The following ARHGAP24 variants were observed in gnomAD, a reference collection of about 807,000 sequenced individuals.
The protein encoded by ARHGAP24 is Rho GTPase activating protein 24.
In ARHGAP24, 50 loss-of-function variants were observed where a neutral mutation model predicts 76.4. That is an observed-to-expected ratio of 0.65 (90% confidence interval 0.52 to 0.83). The LOEUF is 0.83. Ranked by LOEUF, ARHGAP24 falls within the 40% of genes least tolerant of loss-of-function variation. The probability of loss-of-function intolerance (pLI) is 0.00; values close to 1 mark genes in which losing one functional copy is unlikely to be tolerated. For missense variants in ARHGAP24, 930 were observed against 914.2 expected, an observed-to-expected ratio of 1.02 and a Z score of -0.22; for synonymous variants, 345 against 323.3, an observed-to-expected ratio of 1.07 and a Z score of -0.72.
intron 2 of ARHGAP24, among the ~76,000 whole-genome samples, chr4:85,696,850 G>C (rs1228596395): frequency 6.6e-6 from 1 of 152,158 alleles, no homozygotes; most frequent in African/African-American, 2.4e-5. Flanking sequence ...ATGCAGAAAT[G>C]GTGAGATAAA....
intron 4 of ARHGAP24, among the ~76,000 whole-genome samples, chr4:85,931,265 A>G (rs890688017): frequency 6.6e-6 from 1 of 152,100 alleles, no homozygotes. Flanking sequence ...TGGGGCTTAA[A>G]GAATAGTGAT....
intron 3 of ARHGAP24, among the ~76,000 whole-genome samples, chr4:85,905,866 G>T (rs1042745886): frequency 6.6e-6 from 1 of 152,126 alleles, no homozygotes; most frequent in South Asian, 2.1e-4. Context: ...GTGCACTTGG[G>T]TTGCTTTTCA....
rs28446374 is a variant in ARHGAP24, at chr4:85,566,669, C to T, written c.-20-3853C>T. Among the ~76,000 whole-genome samples the T allele has an allele frequency of 2.8e-3, 430 of 152,266 alleles. 1 individual carries two copies. Among genetic ancestry groups the T allele is most frequent in the African/African-American group, 9.7e-3 (405 of 41,556 alleles). On this transcript the variant is annotated intron_variant, in intron 1 of 9. Coordinates refer to ENST00000395184, the MANE Select transcript of ARHGAP24 (RefSeq NM_001025616.3). ...AAGCACTATTAAAGGCACTGGGTAT[C>T]ACTGGGTATGCACAGCAAGGAAAGC... is the stretch of plus-strand genomic sequence containing the variant.
intron 3 of ARHGAP24, among the ~76,000 whole-genome samples, chr4:85,908,559 A>G (rs887474336): frequency 2.0e-5 from 3 of 152,224 alleles, no homozygotes; most frequent in African/African-American, 7.2e-5. Flanking sequence ...ATTAAACTGT[A>G]TCAGAGTCCC....
intron 2 of ARHGAP24, among the ~76,000 whole-genome samples, chr4:85,636,549 G>A (rs950143606): frequency 6.6e-6 from 1 of 151,416 alleles, no homozygotes; most frequent in African/African-American, 2.4e-5. Context: ...GACTTGTTGG[G>A]AATATTACAC....
intron 1 of ARHGAP24, among the ~76,000 whole-genome samples, chr4:85,542,507 T>C (rs1725742128): frequency 6.6e-6 from 1 of 152,236 alleles, no homozygotes; most frequent in East Asian, 1.9e-4. Context: ...GAAATCTATT[T>C]CTGTGCAGTT....
chr4:85,961,074 C>A (rs998488063), intron 5 of ARHGAP24, among the ~76,000 whole-genome samples: 4 of 152,074 alleles, frequency 2.6e-5, no homozygotes, highest in African/African-American at 9.7e-5. Context: ...GTAGTCCAAA[C>A]AGAAAACACT....
chr4:85,991,996 T>C (rs552764118), intron 8 of ARHGAP24: 41 of 393,564 alleles, frequency 1.0e-4, no homozygotes, highest in South Asian at 4.0e-4. Flanking sequence ...AAAGTGCCTA[T>C]TATGTGATAT....
intron 2 of ARHGAP24, among the ~76,000 whole-genome samples, chr4:85,578,032 C>T (rs1490342497): frequency 6.6e-6 from 1 of 152,160 alleles, no homozygotes; most frequent in Non-Finnish European, 1.5e-5. Flanking sequence ...TACATTTTCC[C>T]TGCCTTTATA....
chr4:85,827,517 T>TGTGTGTGTGTGTGTA (rs1553933033), intron 3 of ARHGAP24, among the ~76,000 whole-genome samples: 1 of 126,210 alleles, frequency 7.9e-6, no homozygotes, highest in Non-Finnish European at 1.7e-5. Context: ...TGTGTGTGTG[T>TGTGTGTGTGTGTGTA]TTAGAGAGAG....
chr4:85,686,182 A>G (rs1337144457), intron 2 of ARHGAP24, among the ~76,000 whole-genome samples: 2 of 152,228 alleles, frequency 1.3e-5, no homozygotes, highest in Non-Finnish European at 2.9e-5. Context: ...GAGCCTACTT[A>G]TATTTAAAGC....
At chr4:85,671,552 G>A (rs1380426426) in intron 2 of ARHGAP24, among the ~76,000 whole-genome samples, 1 of 152,168 alleles carries the variant, frequency 6.6e-6, no homozygotes, top group Non-Finnish European at 1.5e-5. Flanking sequence ...GAAGAAGACA[G>A]GAGGTATATA....
Position 86,000,757 on chromosome 4 carries a change from C to A in ARHGAP24, c.*35C>A, listed in dbSNP as rs767704196. Reference sequence around the variant, plus strand: ...CGCCTGCTGTCTCTGATGGCTCTGGCAAGGACTCCAGGGATTCTGGTGGGA... The same window carrying A: ...CGCCTGCTGTCTCTGATGGCTCTGGAAAGGACTCCAGGGATTCTGGTGGGA... On this transcript the variant is annotated 3_prime_UTR_variant, in exon 10 of 10. Coordinates refer to ENST00000395184, the MANE Select transcript of ARHGAP24 (RefSeq NM_001025616.3). 1 of 1,612,602 alleles carries A rather than the reference C, an allele frequency of 6.2e-7. No individual in the cohort carries two copies. Among genetic ancestry groups the A allele is most frequent in the South Asian group, 1.1e-5 (1 of 90,896 alleles).
At chr4:85,967,963 G>A (rs536093581) in intron 5 of ARHGAP24, among the ~76,000 whole-genome samples, 4 of 152,238 alleles carry the variant, frequency 2.6e-5, no homozygotes, top group South Asian at 4.1e-4. Context: ...AAACAGAAGC[G>A]AGGTACAGAG....
intron 3 of ARHGAP24, among the ~76,000 whole-genome samples, chr4:85,833,088 T>C (rs986621184): frequency 6.6e-6 from 1 of 152,206 alleles, no homozygotes; most frequent in Non-Finnish European, 1.5e-5. Context: ...GCCGGACAAG[T>C]GTTAGGAAAA....
chr4:85,941,377 C>A (rs189833210), intron 4 of ARHGAP24, among the ~76,000 whole-genome samples: 1 of 152,248 alleles, frequency 6.6e-6, no homozygotes, highest in East Asian at 1.9e-4. Context: ...ACTGCCAATT[C>A]TAAACAATGT....
At chr4:85,517,976 T>C (rs1724580929) in intron 1 of ARHGAP24, among the ~76,000 whole-genome samples, 1 of 152,130 alleles carries the variant, frequency 6.6e-6, no homozygotes, top group Admixed American at 6.6e-5. Context: ...CTGACAACTT[T>C]AAGAAGTGAC....
chr4:85,479,558 A>G (rs1052842678), intron 1 of ARHGAP24, among the ~76,000 whole-genome samples: 4 of 152,226 alleles, frequency 2.6e-5, no homozygotes, highest in African/African-American at 9.6e-5. Flanking sequence ...TTTAATAATT[A>G]TCTGGAGTGC....
intron 2 of ARHGAP24, among the ~76,000 whole-genome samples, chr4:85,645,247 G>C (rs541234165): frequency 6.6e-6 from 1 of 151,948 alleles, no homozygotes; most frequent in African/African-American, 2.4e-5. Context: ...TTATTTTCAC[G>C]CTCTGGTTAT....
Sources: allele counts gnomAD v4.1 joint callset (sites outside exome capture counted in the v4.1 genomes callset), GRCh38; gene constraint gnomAD v4.1.1; transcripts MANE v1.5; gene names NCBI Gene and HGNC (gene_info 2026-07-23, HGNC 2026-07-21).